Variants in TBCK observed in about 807,000 individuals in gnomAD.
TBCK encodes the protein TBC domain-containing protein kinase-like protein.
TBCK carries 99 observed loss-of-function variants against 113.4 expected under a neutral mutation model. That is an observed-to-expected ratio of 0.87 (90% CI 0.74 to 1.03). The LOEUF (loss-of-function observed/expected upper bound fraction) is 1.03, where lower values mean the gene tolerates loss of function less well. Among genes scored for constraint, TBCK ranks in the 50% least tolerant of loss-of-function variants. The probability of loss-of-function intolerance (pLI) is 0.00; values close to 1 mark genes in which losing one functional copy is unlikely to be tolerated. For missense variants in TBCK, 1,045 were observed against 1,061.3 expected, an observed-to-expected ratio of 0.98 and a Z score of 0.21; for synonymous variants, 369 against 370.8, an observed-to-expected ratio of 1.00 and a Z score of 0.05.
Position 106,070,865 on chromosome 4 carries a change from G to C in TBCK, c.2572-24185C>G, listed in dbSNP as rs1287559486. 2.0e-5 allele frequency among the ~76,000 whole-genome samples: 3 copies of C among 152,178 alleles called. No homozygotes were observed. In the East Asian group the frequency reaches 5.8e-4, roughly 29 times the overall value. ...AGGGATTCAAGTTCTTCCTGGTTTAGTCTTGGGAGGATGTATGTGTCCAGG... is the reference window on the plus strand; with the variant it reads ...AGGGATTCAAGTTCTTCCTGGTTTACTCTTGGGAGGATGTATGTGTCCAGG... On this transcript the variant is annotated intron_variant, in intron 25 of 25. Coordinates refer to ENST00000394708, the MANE Select transcript of TBCK (RefSeq NM_001163435.3).
chr4:106,253,988 G>A (rs1253399528), intron 5 of TBCK, among the ~76,000 whole-genome samples: 3 of 152,200 alleles, frequency 2.0e-5, no homozygotes, highest in Non-Finnish European at 2.9e-5. Flanking sequence ...CCTCCTATCA[G>A]GGATCACACA....
intron 12 of TBCK, among the ~76,000 whole-genome samples, chr4:106,239,010 C>A (rs1267884019): frequency 6.6e-6 from 1 of 152,054 alleles, no homozygotes; most frequent in East Asian, 1.9e-4. Context: ...GAGAAAAATA[C>A]CCTTGACTTC....
At chr4:106,052,324 T>C (rs1196437106) in intron 25 of TBCK, among the ~76,000 whole-genome samples, 1 of 151,778 alleles carries the variant, frequency 6.6e-6, no homozygotes, top group Non-Finnish European at 1.5e-5. Context: ...TCCAGCATAT[T>C]AGTGTGTTAT....
intron 24 of TBCK, among the ~76,000 whole-genome samples, chr4:106,105,543 G>A (rs149896599): frequency 0.012 from 1,784 of 152,310 alleles, 19 homozygotes; most frequent in South Asian, 0.025. Context: ...CTGCAACTAT[G>A]AGGAAACATA....
At position 106,168,390 on chromosome 4, in the gene TBCK, C is replaced by G. The variant is rs942526334; in HGVS notation, c.2235+2705G>C. Reference sequence around the variant, plus strand: ...ACAAAAACCTACAGCTCACACAATACTTTCTGGTGACACCCTAGAAGCCTT... The same window carrying G: ...ACAAAAACCTACAGCTCACACAATAGTTTCTGGTGACACCCTAGAAGCCTT... On this transcript the variant is annotated intron_variant, in intron 23 of 25. Transcript: ENST00000394708. Among the ~76,000 whole-genome samples the G allele has an allele frequency of 5.9e-5, 9 of 151,980 alleles. No homozygotes were observed. The East Asian group carries it at 1.7e-3, about 29-fold the overall frequency.
At chr4:106,137,570 G>A (rs1746703854) in intron 23 of TBCK, among the ~76,000 whole-genome samples, 2 of 140,502 alleles carry the variant, frequency 1.4e-5, no homozygotes, top group East Asian at 2.0e-4. Flanking sequence ...TTGTTTCAGT[G>A]ACATTTTCAA....
chr4:106,120,689 C>T (rs185825831), intron 23 of TBCK, among the ~76,000 whole-genome samples: 2 of 152,102 alleles, frequency 1.3e-5, no homozygotes, highest in African/African-American at 2.4e-5. Context: ...CTGGGAGGCA[C>T]CCCCCAGCAG....
At chr4:106,221,385 G>A (rs1345105910) in intron 19 of TBCK, among the ~76,000 whole-genome samples, 1 of 151,914 alleles carries the variant, frequency 6.6e-6, no homozygotes, top group East Asian at 1.9e-4. Flanking sequence ...ATTATTAAAA[G>A]TTATATGTTA....
chr4:106,126,590 T>C (rs1219045708), intron 23 of TBCK, among the ~76,000 whole-genome samples: 1 of 152,168 alleles, frequency 6.6e-6, no homozygotes, highest in Non-Finnish European at 1.5e-5. Flanking sequence ...TTCATATTTG[T>C]ATCTCGAAAA....
chr4:106,200,598 C>T (rs1754771377), intron 20 of TBCK, among the ~76,000 whole-genome samples: 1 of 152,098 alleles, frequency 6.6e-6, no homozygotes, highest in Admixed American at 6.6e-5. Context: ...ATCCATACCT[C>T]TGCTTTAGCT....
At chr4:106,083,306 G>C (rs546650657) in intron 25 of TBCK, among the ~76,000 whole-genome samples, 41 of 152,296 alleles carry the variant, frequency 2.7e-4, no homozygotes, top group African/African-American at 9.4e-4. Flanking sequence ...CCAAAACACC[G>C]GCTGTGGCAG....
intron 23 of TBCK, among the ~76,000 whole-genome samples, chr4:106,130,991 G>A (rs1021147518): frequency 7.2e-5 from 11 of 152,088 alleles, no homozygotes; most frequent in African/African-American, 2.7e-4. Flanking sequence ...ATATGGACTA[G>A]CTGGGTCCCC....
chr4:106,304,933 CCTTT>C (rs1767347886), intron 2 of TBCK, among the ~76,000 whole-genome samples: 1 of 152,212 alleles, frequency 6.6e-6, no homozygotes, highest in Admixed American at 6.5e-5. Flanking sequence ...AACCCCTCTT[CCTTT>C]GTCTACCCTC....
At chr4:106,119,336 T>C (rs950636293) in intron 23 of TBCK, among the ~76,000 whole-genome samples, 1 of 152,186 alleles carries the variant, frequency 6.6e-6, no homozygotes, top group South Asian at 2.1e-4. Flanking sequence ...TAAACTTAGA[T>C]GTCCACCCAG....
intron 21 of TBCK, among the ~76,000 whole-genome samples, chr4:106,194,368 TA>T (rs1207398119): frequency 6.6e-6 from 1 of 152,062 alleles, no homozygotes; most frequent in Non-Finnish European, 1.5e-5. Flanking sequence ...AATCCTAGTT[TA>T]AAAAATAAAA....
At chr4:106,223,686 T>C (rs1409045279) in intron 19 of TBCK, among the ~76,000 whole-genome samples, 1 of 152,160 alleles carries the variant, frequency 6.6e-6, no homozygotes, top group Non-Finnish European at 1.5e-5. Context: ...CCTTTCCGAC[T>C]TGTAGCAACC....
chr4:106,229,278 T>C (rs1016850022), intron 19 of TBCK, among the ~76,000 whole-genome samples: 2 of 152,050 alleles, frequency 1.3e-5, no homozygotes, highest in Non-Finnish European at 2.9e-5. Flanking sequence ...ATTTTTGCTT[T>C]GTTTGCCTCT....
chr4:106,177,479 TTAATA>T (rs912705576), intron 22 of TBCK, among the ~76,000 whole-genome samples: 1 of 151,956 alleles, frequency 6.6e-6, no homozygotes, highest in African/African-American at 2.4e-5. Context: ...ATTTAAGTCT[TTAATA>T]AAGTTTGATT....
At chr4:106,284,754 T>C (rs1237554931) in intron 3 of TBCK, among the ~76,000 whole-genome samples, 1 of 152,156 alleles carries the variant, frequency 6.6e-6, no homozygotes, top group Admixed American at 6.5e-5. Flanking sequence ...ATACTTCCCA[T>C]ACAGCACCTA....
Sources: allele counts gnomAD v4.1 joint callset (sites outside exome capture counted in the v4.1 genomes callset), GRCh38; gene constraint gnomAD v4.1.1; transcripts MANE v1.5; gene names NCBI Gene and HGNC (gene_info 2026-07-23, HGNC 2026-07-21).